ZNF804B: variants seen among roughly 807,000 people sequenced by gnomAD.
The protein encoded by ZNF804B is zinc finger 804B.
ZNF804B carries 80 observed loss-of-function variants against 101.4 expected under a neutral mutation model. The observed-to-expected ratio is 0.79, with a 90% CI of 0.66 to 0.95. The LOEUF (loss-of-function observed/expected upper bound fraction) is 0.95, where lower values mean the gene tolerates loss of function less well. Ranked by LOEUF, ZNF804B falls within the 40% of genes least tolerant of loss-of-function variation. The pLI, the probability that ZNF804B is intolerant of heterozygous loss-of-function variation, is 0.00. For synonymous variants in ZNF804B, 622 were observed against 558.8 expected (o/e 1.11, Z -1.59); for missense variants, 1,673 against 1,561.9 (o/e 1.07, Z -1.20).
At chr7:88,870,400 A>AAAAAAAAAAAAAAAAAGAAAAAG (rs781332488) in intron 1 of ZNF804B, among the ~76,000 whole-genome samples, 1 of 112,674 alleles carries the variant, frequency 8.9e-6, no homozygotes, top group Non-Finnish European at 1.8e-5. Context: ...AAAAAAAAAA[A>AAAAAAAAAAAAAAAAAGAAAAAG]AAAAAAAGGT....
intron 1 of ZNF804B, among the ~76,000 whole-genome samples, chr7:89,094,559 C>G (rs1789942484): frequency 6.6e-6 from 1 of 152,134 alleles, no homozygotes; most frequent in African/African-American, 2.4e-5. Context: ...AAAAAAAATC[C>G]TGGAATTTTA....
At chr7:88,816,004 T>G (rs1276582828) in intron 1 of ZNF804B, among the ~76,000 whole-genome samples, 2 of 152,200 alleles carry the variant, frequency 1.3e-5, no homozygotes, top group Admixed American at 6.5e-5. Flanking sequence ...ATGCTCTTGC[T>G]ATCCTACTCC....
At chr7:88,949,447 T>G (rs1443172229) in intron 1 of ZNF804B, among the ~76,000 whole-genome samples, 2 of 151,922 alleles carry the variant, frequency 1.3e-5, no homozygotes, top group Non-Finnish European at 2.9e-5. Flanking sequence ...TCTTTGCTAT[T>G]TCATTTACAT....
chr7:88,846,809 C>T (rs546273644), intron 1 of ZNF804B, among the ~76,000 whole-genome samples: 3 of 149,934 alleles, frequency 2.0e-5, no homozygotes, highest in Non-Finnish European at 4.4e-5. Flanking sequence ...TATATGTCTA[C>T]ATGTGAGACT....
chr7:88,918,188 G>A (rs2115991037), intron 1 of ZNF804B, among the ~76,000 whole-genome samples: 1 of 152,220 alleles, frequency 6.6e-6, no homozygotes, highest in Admixed American at 6.5e-5. Flanking sequence ...TAGATAAACA[G>A]TGAGCCTTAG....
chr7:88,932,184 A>G (rs1477332096), intron 1 of ZNF804B, among the ~76,000 whole-genome samples: 1 of 151,816 alleles, frequency 6.6e-6, no homozygotes. Context: ...TATTAAGCTG[A>G]GGGAAACTTG....
intron 1 of ZNF804B, among the ~76,000 whole-genome samples, chr7:89,044,385 G>A (rs1370949749): frequency 2.0e-5 from 3 of 152,138 alleles, no homozygotes; most frequent in Non-Finnish European, 4.4e-5. Context: ...CATGAGAACG[G>A]ACTAATACAG....
In ZNF804B at chr7:89,207,210, C is replaced by T. The variant is rs532035189; in HGVS notation, c.109-10945C>T. 1.3e-4 allele frequency among the ~76,000 whole-genome samples: 20 copies of T among 152,314 alleles called. No homozygotes were observed. In the East Asian group the frequency reaches 1.9e-3, roughly 15 times the overall value. On this transcript the variant is annotated intron_variant, in intron 1 of 3. Coordinates refer to ENST00000333190, the MANE Select transcript of ZNF804B (RefSeq NM_181646.5). ...ACCCCACTCTACTAGTACCAGTTTA[C>T]TGTATTAGTCTGCTATCATGCTGCT...
At chr7:88,838,166 A>G (rs912862913) in intron 1 of ZNF804B, among the ~76,000 whole-genome samples, 1 of 151,866 alleles carries the variant, frequency 6.6e-6, no homozygotes, top group Non-Finnish European at 1.5e-5. Flanking sequence ...TCAAGTATGT[A>G]TCACATGCCT....
At chr7:89,243,073 A>G (rs1789393305) in intron 2 of ZNF804B, among the ~76,000 whole-genome samples, 1 of 151,806 alleles carries the variant, frequency 6.6e-6, no homozygotes, top group Non-Finnish European at 1.5e-5. Context: ...ACAAAATACA[A>G]TCTGATAGTA....
chr7:89,181,787 T>A (rs1161562512), intron 1 of ZNF804B, among the ~76,000 whole-genome samples: 2 of 152,222 alleles, frequency 1.3e-5, no homozygotes, highest in Non-Finnish European at 2.9e-5. Context: ...TCCCTTAAAG[T>A]TCTATTGATC....
At chr7:88,934,050 G>T (rs1459468922) in intron 1 of ZNF804B, among the ~76,000 whole-genome samples, 2 of 151,760 alleles carry the variant, frequency 1.3e-5, no homozygotes. Flanking sequence ...AAAACGACAT[G>T]GTACTGGTAT....
At chr7:89,138,856 CTTT>C (rs757315273) in intron 1 of ZNF804B, among the ~76,000 whole-genome samples, 1 of 152,118 alleles carries the variant, frequency 6.6e-6, no homozygotes, top group Non-Finnish European at 1.5e-5. Context: ...ACTTACTCTT[CTTT>C]ATCTTCCACC....
chr7:89,220,573 T>C (rs187224057), intron 2 of ZNF804B, among the ~76,000 whole-genome samples: 49 of 152,094 alleles, frequency 3.2e-4, no homozygotes, highest in Non-Finnish European at 1.5e-4. Context: ...TTACATTATT[T>C]TGAAGCAAGT....
At chr7:89,173,222 T>C (rs1424388031) in intron 1 of ZNF804B, among the ~76,000 whole-genome samples, 3 of 152,136 alleles carry the variant, frequency 2.0e-5, no homozygotes, top group Non-Finnish European at 4.4e-5. Context: ...GCTTTTATTA[T>C]TTTATAATCC....
intron 1 of ZNF804B, among the ~76,000 whole-genome samples, chr7:88,868,835 A>G (rs1583986444): frequency 6.6e-6 from 1 of 152,224 alleles, no homozygotes; most frequent in Admixed American, 6.5e-5. Context: ...AAAAGACTCA[A>G]AAAGCTTTCT....
intron 1 of ZNF804B, among the ~76,000 whole-genome samples, chr7:88,856,648 A>G (rs1478276538): frequency 6.6e-6 from 1 of 152,070 alleles, no homozygotes; most frequent in African/African-American, 2.4e-5. Flanking sequence ...ACTATGTTGA[A>G]TAGGAGTGGT....
chr7:89,283,972 C>A lies in ZNF804B; in HGVS notation c.250-43372C>A, dbSNP rs141597956. 3.8e-3 allele frequency among the ~76,000 whole-genome samples: 577 copies of A among 152,034 alleles called. 3 individuals are homozygous for A. Among genetic ancestry groups the A allele is most frequent in the African/African-American group, 0.013 (554 of 41,462 alleles). ...AGATATGTCATAAATGCATAAAATA[C>A]AAGGAGATACTTGTCTATTTTATCA... is the stretch of plus-strand genomic sequence containing the variant. On this transcript the variant is annotated intron_variant, in intron 2 of 3. Transcript: ENST00000333190.
chr7:88,881,781 T>C (rs982741523), intron 1 of ZNF804B, among the ~76,000 whole-genome samples: 3 of 152,214 alleles, frequency 2.0e-5, no homozygotes, highest in Admixed American at 1.3e-4. Flanking sequence ...GATGTTGGTC[T>C]TGTTAAGATA....
Sources: allele counts gnomAD v4.1 joint callset (sites outside exome capture counted in the v4.1 genomes callset), GRCh38; gene constraint gnomAD v4.1.1; transcripts MANE v1.5; gene names NCBI Gene and HGNC (gene_info 2026-07-23, HGNC 2026-07-21).